SUSD2: variants seen among roughly 807,000 people sequenced by gnomAD.
SUSD2 encodes sushi domain-containing protein 2.
Under a neutral mutation model 93.8 loss-of-function variants are expected in SUSD2, and 86 were observed. The observed-to-expected ratio is 0.92, with a 90% CI of 0.77 to 1.10. SUSD2 has a LOEUF of 1.10. SUSD2 is among the 50% of genes least tolerant of loss of function. The pLI is 0.00. For synonymous variants in SUSD2, 483 were observed against 485.0 expected (o/e 1.00, Z 0.05); for missense variants, 1,060 against 1,137.0 (o/e 0.93, Z 0.97).
At chr22:24,186,619 C>T in intron 10 of SUSD2, 2 of 622,794 alleles carry the variant, frequency 3.2e-6, no homozygotes, top group Non-Finnish European at 2.8e-6. Context: ...GACGGTGGGA[C>T]ATGTCCTCCC....
chr22:24,183,831 C>T lies in SUSD2; in HGVS notation c.439+185C>T, dbSNP rs891731043. On this transcript the variant is annotated intron_variant, in intron 3 of 14. Transcript: ENST00000358321. ...CTCCCTGGCATCCAGACCGCGGTCC[C>T]AGCCCAGAGTGAGTGGGAGCTGCAG... 5.4e-5 allele frequency: 39 copies of T among 725,962 alleles called. No individual in the cohort carries two copies. The African/African-American group carries it at 6.8e-4, about 13-fold the overall frequency. 45.0% of individuals were successfully genotyped at this position (725,962 alleles called of 1,614,324 possible).
rs376461190 is a variant in SUSD2 at position 24,186,144 on chromosome 22, G to T, written c.1468G>T (p.Gly490Trp). The part of the protein sequence containing the change: ...DLRVQARAQP[G>W]TMSNGTETRG... ...GAGGGTGCAGGCGCGGGCCCAGCCC[G>T]GGACGATGTCCAACGGTGAGGCCAG... Residue 490 changes from glycine (G) to tryptophan (W), a missense_variant, in exon 9 of 15, where the codon GGG becomes TGG. Physicochemically the swap from Gly to Trp is radical, Grantham distance 184. Around this residue, in one of 2 missense-constraint regions of SUSD2, gnomAD observed 973 missense variants for 1,005.3 expected, o/e 0.97. Transcript: ENST00000358321. 6 of 1,609,862 alleles carry T rather than the reference G, an allele frequency of 3.7e-6. No individual in the cohort carries two copies. The highest frequency in any genetic ancestry group is 5.1e-6 in the Non-Finnish European group (6 of 1,178,234).
chr22:24,184,698 G>C (rs1036046501), intron 4 of SUSD2, 68 bp from the exon 5 acceptor site: 43 of 1,335,540 alleles, frequency 3.2e-5, no homozygotes, highest in Non-Finnish European at 3.8e-5. Context: ...TCAGGCTGCT[G>C]TAGGTGGCAA....
In SUSD2 at chr22:24,186,341, G is replaced by A. The variant is rs774804891; in HGVS notation, c.1568G>A (p.Arg523Lys). ...SDVVEVRLAN[R>K]TGGLEVLLNQ... Reference sequence around the variant, plus strand: ...GTGGTGGAAGTCAGGCTGGCCAACAGGACCGGAGGTCTGGAGGTGCTGCTG... The same window carrying A: ...GTGGTGGAAGTCAGGCTGGCCAACAAGACCGGAGGTCTGGAGGTGCTGCTG... The change falls in exon 10 of 15, where the codon AGG becomes AAG. Residue 523 changes from arginine (R) to lysine (K), a missense_variant. Transcript: ENST00000358321. 1.2e-6 allele frequency: 2 copies of A among 1,613,982 alleles called. No homozygotes were observed. Among genetic ancestry groups the A allele is most frequent in the African/African-American group, 1.3e-5 (1 of 75,082 alleles).
In SUSD2 at chr22:24,184,828, A is replaced by ATC. The variant is rs777566923; in HGVS notation, c.671_672dup (p.Pro225SerfsTer54). 2.5e-6 allele frequency: 4 copies of ATC among 1,613,862 alleles called. No individual in the cohort carries two copies. In the African/African-American group the frequency reaches 5.3e-5, roughly 22 times the overall value. ...GTACCTGTACCCCCTGGCCACACAC[A>ATC]TCCCCAACTCCGGCTCTTTCACTTT... On this transcript the variant is annotated frameshift_variant, in exon 5 of 15. Coordinates refer to ENST00000358321, the MANE Select transcript of SUSD2 (RefSeq NM_019601.4). LOFTEE classifies it high-confidence loss of function.
chr22:24,182,329 G>A (rs2047330285), intron 1 of SUSD2, among the ~76,000 whole-genome samples: 1 of 152,182 alleles, frequency 6.6e-6, no homozygotes, highest in Admixed American at 6.5e-5. Flanking sequence ...ATGGCCCATA[G>A]GAGAAGTTTT....
chr22:24,185,140 C>G lies in SUSD2; in HGVS notation c.829C>G (p.Leu277Val). 1.2e-6 allele frequency: 2 copies of G among 1,612,788 alleles called. No homozygotes were observed. The highest frequency in any genetic ancestry group is 1.7e-6 in the Non-Finnish European group (2 of 1,179,776). ...WTNDHALAWH[L>V]SDDFREDPVA... ...CAACGACCACGCACTGGCCTGGCAC[C>G]TGAGCGATGACTTCCGAGAGGACCC... is the stretch of plus-strand genomic sequence containing the variant. Residue 277 changes from leucine (L) to valine (V), a missense_variant, in exon 6 of 15, where the codon CTG (leucine) becomes GTG (valine). Leu to Val is a conservative substitution (Grantham distance 32). This residue lies in a region of SUSD2 where 973 missense variants were observed against 1,005.3 expected (regional missense o/e 0.97). Transcript: ENST00000358321.
Position 24,186,125 on chromosome 22 carries a change from G to C in SUSD2, c.1449G>C (p.Val483=). 1.2e-6 allele frequency: 2 copies of C among 1,611,660 alleles called. No homozygotes were observed. The highest frequency in any genetic ancestry group is 1.7e-6 in the Non-Finnish European group (2 of 1,179,204). ...LLEAALTDLR[V]QARAQPGTMS... ...AGGCAGCGCTGACCGACCTGAGGGT[G>C]CAGGCGCGGGCCCAGCCCGGGACGA... Residue 483 remains valine (V), a synonymous_variant, in exon 9 of 15, where the codon GTG becomes GTC. Transcript: ENST00000358321.
Position 24,188,144 on chromosome 22 carries a change from A to AGAGT in SUSD2, c.2341+9_2341+10insGAGT, listed in dbSNP as rs1569341469. The AGAGT allele has an allele frequency of 5.6e-6, 9 of 1,610,336 alleles. No homozygotes were observed. The South Asian group carries it at 9.9e-5, about 18-fold the overall frequency. On this transcript the variant is annotated intron_variant, in intron 13 of 14. Coordinates refer to ENST00000358321, the MANE Select transcript of SUSD2 (RefSeq NM_019601.4). The surrounding 1 kb of genome is among the most constrained non-coding windows in gnomAD (Gnocchi z 4.7). Reference sequence around the variant, plus strand: ...CCCGAAGTGCCAGCCAGGTGAGGACACTCTGCTCATACACCTGCCTGCACC... The same window carrying AGAGT: ...CCCGAAGTGCCAGCCAGGTGAGGACAGAGTCTCTGCTCATACACCTGCCTGCACC...
In SUSD2 at chr22:24,183,480, C is replaced by A; in HGVS notation, c.288-15C>A. 4 of 1,605,168 alleles carry A rather than the reference C, an allele frequency of 2.5e-6. No individual in the cohort carries two copies. Among genetic ancestry groups the A allele is most frequent in the Non-Finnish European group, 3.4e-6 (4 of 1,175,972 alleles). On this transcript the variant is annotated splice_polypyrimidine_tract_variant and intron_variant, in intron 2 of 14. Coordinates refer to ENST00000358321, the MANE Select transcript of SUSD2 (RefSeq NM_019601.4). ...TGCAATGACCCAGCCCCTCCCACCA[C>A]CACCACGCCCACAGGTTTAAGGACA...
rs777953389 is a variant in SUSD2, at chr22:24,187,301, C to G, written c.1742C>G (p.Ser581Cys). 2 of 1,613,998 alleles carry G rather than the reference C, an allele frequency of 1.2e-6. No individual in the cohort carries two copies. The highest frequency in any genetic ancestry group is 1.1e-5 in the South Asian group (1 of 91,090). The change falls in exon 11 of 15, where the codon TCC becomes TGC. Residue 581 changes from serine (S) to cysteine (C), a missense_variant. Coordinates refer to ENST00000358321, the MANE Select transcript of SUSD2 (RefSeq NM_019601.4). ...GTGCAGGGCCCGTTCCTGAGTGTGT[C>G]CGTCCTGCTGCCTGAGAAGTTCCTC... ...VSVQGPFLSV[S>C]VLLPEKFLTH... is the part of the protein sequence containing the mutation.
rs375340888 is a variant in SUSD2 at position 24,185,795 on chromosome 22, G to C, written c.1205G>C (p.Arg402Pro). 1.2e-6 allele frequency: 2 copies of C among 1,610,192 alleles called. No homozygotes were observed. Among genetic ancestry groups the C allele is most frequent in the Admixed American group, 1.7e-5 (1 of 59,794 alleles). Residue 402 changes from arginine (R) to proline (P), a missense_variant, in exon 8 of 15, where the codon CGA (arginine) becomes CCA (proline). Physicochemically the swap from Arg to Pro is moderately radical, Grantham distance 103. Coordinates refer to ENST00000358321, the MANE Select transcript of SUSD2 (RefSeq NM_019601.4). ...GCACCCCCGTTCCGCACGCCACCCC[G>C]AGTGCCCAGCATGTCCCACTGGCTC... ...WGAPPFRTPP[R>P]VPSMSHWLYD...
chr22:24,183,841 T>C, intron 3 of SUSD2, 195 bp downstream of exon 3: 1 of 689,454 alleles, frequency 1.5e-6, no homozygotes, highest in Non-Finnish European at 2.4e-6. Flanking sequence ...CAGCCCAGAG[T>C]GAGTGGGAGC....
At chr22:24,183,368 C>A in intron 2 of SUSD2, 101 bp downstream of exon 2, 1 of 1,534,322 alleles carries the variant, frequency 6.5e-7, no homozygotes, top group Non-Finnish European at 8.9e-7. Context: ...GCCCCTCGGA[C>A]CCAGGACAGG....
In SUSD2 at chr22:24,187,839, G is replaced by A; in HGVS notation, c.2160G>A (p.Gln720=). ...ACCAGCGTCGCATGCAGAGCCTGCA[G>A]CCAGGTGAGGGCGGGCAGGTGGGGG... The part of the protein sequence containing the change: ...QLHQRRMQSL[Q]PVVSCGWLAP... The change falls in exon 12 of 15, where the codon CAG becomes CAA. Residue 720 remains glutamine, a synonymous_variant. Transcript: ENST00000358321. The A allele has an allele frequency of 1.3e-6, 2 of 1,583,728 alleles. No individual in the cohort carries two copies. The highest frequency in any genetic ancestry group is 1.7e-6 in the Non-Finnish European group (2 of 1,156,396).
At position 24,185,670 on chromosome 22, in the gene SUSD2, C is replaced by G; in HGVS notation, c.1080C>G (p.Tyr360Ter). 2 of 1,609,264 alleles carry G rather than the reference C, an allele frequency of 1.2e-6. No homozygotes were observed. Among genetic ancestry groups the G allele is most frequent in the East Asian group, 4.5e-5 (2 of 44,782 alleles). Residue 360 changes from tyrosine (Y) to a stop codon, truncating the protein, a stop_gained, in exon 8 of 15, where the codon TAC (tyrosine) becomes TAG (stop). Transcript: ENST00000358321. LOFTEE classifies it high-confidence loss of function. Reference protein sequence around the residue: ...CVRSVQASLRYGSGQQCCYTA... With the variant: ...CVRSVQASLR ...TCACTGGCTCCTGCAGCCTCCGGTA[C>G]GGCTCAGGTCAGCAGTGCTGCTACA...
rs2047360664 is a variant in SUSD2, at chr22:24,185,781, C to T, written c.1191C>T (p.Phe397=). 6.2e-7 allele frequency: 1 copy of T among 1,610,080 alleles called. No homozygotes were observed. The highest frequency in any genetic ancestry group is 1.7e-5 in the Admixed American group (1 of 59,794). Residue 397 remains phenylalanine, a synonymous_variant, in exon 8 of 15, where the codon TTC becomes TTT. Coordinates refer to ENST00000358321, the MANE Select transcript of SUSD2 (RefSeq NM_019601.4). Reference sequence around the variant, plus strand: ...GCCATGACTGGGGCGCACCCCCGTTCCGCACGCCACCCCGAGTGCCCAGCA... The same window carrying T: ...GCCATGACTGGGGCGCACCCCCGTTTCGCACGCCACCCCGAGTGCCCAGCA... The part of the protein sequence containing the change: ...DRGHDWGAPP[F]RTPPRVPSMS...
rs1263775565 is a variant in SUSD2 at position 24,186,668 on chromosome 22, C to T, written c.1642+253C>T. 7 of 551,802 alleles carry T rather than the reference C, an allele frequency of 1.3e-5. No individual in the cohort carries two copies. The East Asian group carries it at 2.2e-4, about 17-fold the overall frequency. 34.2% of individuals were successfully genotyped at this position (551,802 alleles called of 1,614,324 possible). A position where few individuals can be genotyped will look rare whatever the true frequency, so the allele number is the denominator to read the frequency against. On this transcript the variant is annotated intron_variant, in intron 10 of 14. Transcript: ENST00000358321. Reference sequence around the variant, plus strand: ...GGGAGCCTTCTGGAGGGGAACTCACCCTGGTAACGTTCACCGCTGGCCTGC... The same window carrying T: ...GGGAGCCTTCTGGAGGGGAACTCACTCTGGTAACGTTCACCGCTGGCCTGC...
At chr22:24,181,882 A>AG (rs1188766420) in intron 1 of SUSD2, among the ~76,000 whole-genome samples, 1 of 152,114 alleles carries the variant, frequency 6.6e-6, no homozygotes, top group Non-Finnish European at 1.5e-5. Context: ...GGGATCACGG[A>AG]GGGGGAGCCA....
Sources: gnomAD v4.1 joint callset for allele counts (sites outside exome capture counted in the v4.1 genomes callset) on GRCh38, gnomAD v4.1.1 for gene constraint, gnomAD v4.1.1 regional missense constraint, Gnocchi (gnomAD v3.1) non-coding constraint, MANE v1.5 for transcripts, NCBI Gene and HGNC (gene_info 2026-07-23, HGNC 2026-07-21) for gene names.